UNC13C: variants seen among roughly 807,000 people sequenced by gnomAD.
UNC13C encodes the protein unc-13 homolog C.
UNC13C carries 174 observed loss-of-function variants against 245.4 expected under a neutral mutation model. The ratio of observed to expected loss-of-function variants is 0.71; its 90% CI spans 0.63 to 0.80. The LOEUF (loss-of-function observed/expected upper bound fraction) is 0.80, where lower values mean the gene tolerates loss of function less well. Ranked by LOEUF, UNC13C falls within the 30% of genes least tolerant of loss-of-function variation. UNC13C has a pLI of 0.00. For synonymous variants in UNC13C, 992 were observed against 895.1 expected, an observed-to-expected ratio of 1.11 and a Z score of -1.93; for missense variants, 2,829 against 2,602.9, an observed-to-expected ratio of 1.09 and a Z score of -1.89.
At chr15:54,429,103 A>G (rs2040815203) in intron 19 of UNC13C, among the ~76,000 whole-genome samples, 1 of 151,714 alleles carries the variant, frequency 6.6e-6, no homozygotes, top group Non-Finnish European at 1.5e-5. Flanking sequence ...ATATTTACGG[A>G]GTTGTGCAAT....
chr15:54,232,317 G>A (rs2035575298), intron 4 of UNC13C, among the ~76,000 whole-genome samples: 1 of 152,074 alleles, frequency 6.6e-6, no homozygotes, highest in Admixed American at 6.5e-5. Flanking sequence ...CTCAAAAGAG[G>A]CAGAGATGAA....
Position 54,052,023 on chromosome 15 carries a change from G to C in UNC13C, c.2983+36137G>C, listed in dbSNP as rs367937311. 6.3e-4 allele frequency among the ~76,000 whole-genome samples: 77 copies of C among 122,978 alleles called. 4 individuals are homozygous for C. In the South Asian group the frequency reaches 0.01, roughly 17 times the overall value. The allele number at this position is 122,978 out of a possible 152,430, so 80.7% of individuals were successfully genotyped here. ...GAGAATATGCGGTGTTTGGTTTTTT[G>C]TTCTTGCGATAGTTTACTGAGAATG... On this transcript the variant is annotated intron_variant, in intron 2 of 32. Transcript: ENST00000260323.
chr15:53,936,148 C>T, the UNC13C span, among the ~76,000 whole-genome samples: 1 of 152,186 alleles, frequency 6.6e-6, no homozygotes. Flanking sequence ...AGACCAAGTT[C>T]CTGGGGGAGA....
intron 19 of UNC13C, among the ~76,000 whole-genome samples, chr15:54,487,253 C>G (rs1159508124): frequency 6.6e-6 from 1 of 152,134 alleles, no homozygotes; most frequent in African/African-American, 2.4e-5. Context: ...GCAGAACTAC[C>G]AACTGCTACT....
intron 17 of UNC13C, among the ~76,000 whole-genome samples, chr15:54,361,676 T>C (rs955797222): frequency 2.0e-5 from 3 of 152,188 alleles, no homozygotes; most frequent in Non-Finnish European, 2.9e-5. Context: ...ATCCTTTGCT[T>C]CCGATTCTGG....
intron 8 of UNC13C, among the ~76,000 whole-genome samples, chr15:54,253,736 C>T (rs921186446): frequency 3.3e-5 from 5 of 151,994 alleles, no homozygotes; most frequent in Admixed American, 2.0e-4. Context: ...AGAAAAAGGC[C>T]GTGTTGGCTG....
chr15:54,333,714 C>T, intron 15 of UNC13C, 53 bp from the exon 16 acceptor site: 2 of 1,182,654 alleles, frequency 1.7e-6, no homozygotes, highest in South Asian at 1.3e-5. Context: ...TTTATTTTCC[C>T]ACTAGAAGTT....
At chr15:54,137,133 C>G (rs1231827037) in intron 2 of UNC13C, among the ~76,000 whole-genome samples, 1 of 152,234 alleles carries the variant, frequency 6.6e-6, no homozygotes, top group Non-Finnish European at 1.5e-5. Flanking sequence ...AGCCACTGCA[C>G]TCAGCCGTGT....
In UNC13C at chr15:54,022,169, T is replaced by G. The variant is rs149362079; in HGVS notation, c.2983+6283T>G. On this transcript the variant is annotated intron_variant, in intron 2 of 32. Transcript: ENST00000260323. ...TTGAAGGAACCTCCATAGTATTTTC[T>G]GAAATGGCCGTGCTAATATACGTTC... Among the ~76,000 whole-genome samples, 539 of 152,344 alleles carry G rather than the reference T, an allele frequency of 3.5e-3. 2 individuals are homozygous for G. The highest frequency in any genetic ancestry group is 6.6e-3 in the Non-Finnish European group (449 of 68,028).
intron 4 of UNC13C, among the ~76,000 whole-genome samples, chr15:54,203,814 A>G (rs1049573501): frequency 1.4e-5 from 2 of 144,130 alleles, no homozygotes; most frequent in Non-Finnish European, 3.0e-5. Context: ...ATGTCTGTGT[A>G]TATATACGTG....
the UNC13C span, among the ~76,000 whole-genome samples, chr15:53,855,864 C>T: frequency 1.1e-4 from 16 of 152,234 alleles, no homozygotes; most frequent in South Asian, 4.1e-4. Context: ...TGAGTAGACA[C>T]GGTACCAACT....
chr15:54,601,542 C>T (rs984631960), intron 30 of UNC13C, among the ~76,000 whole-genome samples: 5 of 152,152 alleles, frequency 3.3e-5, no homozygotes, highest in African/African-American at 1.2e-4. Context: ...AATTGTCTTA[C>T]TTGAATCAGA....
chr15:54,427,629 C>T (rs2040785774), intron 19 of UNC13C, among the ~76,000 whole-genome samples: 1 of 151,814 alleles, frequency 6.6e-6, no homozygotes, highest in African/African-American at 2.4e-5. Context: ...GCTTTTCACA[C>T]ATTTAATACA....
At chr15:54,280,245 A>G (rs1346654956) in intron 10 of UNC13C, among the ~76,000 whole-genome samples, 1 of 152,144 alleles carries the variant, frequency 6.6e-6, no homozygotes, top group African/African-American at 2.4e-5. Context: ...AGTTAAATAA[A>G]TTAGGACACA....
chr15:54,273,970 T>C lies in UNC13C; in HGVS notation c.3818+8474T>C, dbSNP rs151207942. Among the ~76,000 whole-genome samples, 396 of 152,290 alleles carry C rather than the reference T, an allele frequency of 2.6e-3. 1 individual carries two copies. The highest frequency in any genetic ancestry group is 4.4e-3 in the Non-Finnish European group (297 of 68,020). On this transcript the variant is annotated intron_variant, in intron 10 of 32. Transcript: ENST00000260323. ...TTGGTTAGTATCCGCCCCAACACTC[T>C]GTAGATAAATAATTCGTTGAACATG...
At chr15:54,473,763 AT>A (rs1892582967) in intron 19 of UNC13C, among the ~76,000 whole-genome samples, 1 of 150,964 alleles carries the variant, frequency 6.6e-6, no homozygotes. Context: ...ATATATGTTT[AT>A]GGGATACAAG....
chr15:54,379,387 A>G (rs1284067861), intron 17 of UNC13C, among the ~76,000 whole-genome samples: 1 of 152,116 alleles, frequency 6.6e-6, no homozygotes, highest in Non-Finnish European at 1.5e-5. Context: ...AAATCTAGCA[A>G]ACTCATGACT....
intron 13 of UNC13C, among the ~76,000 whole-genome samples, chr15:54,314,377 T>C (rs1448797495): frequency 6.6e-6 from 1 of 151,830 alleles, no homozygotes; most frequent in Non-Finnish European, 1.5e-5. Context: ...CCATATTGTA[T>C]ACATATTTCA....
intron 30 of UNC13C, among the ~76,000 whole-genome samples, chr15:54,594,383 A>C (rs537048950): frequency 6.6e-6 from 1 of 150,698 alleles, no homozygotes; most frequent in East Asian, 2.0e-4. Flanking sequence ...ATGCCTTAGA[A>C]CTCCCAAGAT....
Sources: gnomAD v4.1 joint callset for allele counts (sites outside exome capture counted in the v4.1 genomes callset) on GRCh38, gnomAD v4.1.1 for gene constraint, MANE v1.5 for transcripts, NCBI Gene and HGNC (gene_info 2026-07-23, HGNC 2026-07-21) for gene names.